The following ATP13A4 variants were observed in gnomAD, a reference collection of about 807,000 sequenced individuals.
The protein encoded by ATP13A4 is ATPase 13A4.
ATP13A4 carries 114 observed loss-of-function variants against 142.5 expected under a neutral mutation model. The observed-to-expected ratio is 0.80, with a 90% CI of 0.69 to 0.93. The LOEUF is 0.93. Among genes scored for constraint, ATP13A4 ranks in the 40% least tolerant of loss-of-function variants. The pLI is 0.00. For synonymous variants in ATP13A4, 488 were observed against 514.8 expected, an observed-to-expected ratio of 0.95 and a Z score of 0.70; for missense variants, 1,392 against 1,454.0, an observed-to-expected ratio of 0.96 and a Z score of 0.69.
rs1714260069 is a variant in ATP13A4 at position 193,401,478 on chromosome 3, T to TAATAAAGCAGAGGAG, written c.*1159_*1173dup. ...GCATGAGACTAATGTTTCTCAAAAATAATAAAGCAGAGGAGTGAAAATTTC... is the reference window on the plus strand; with the variant it reads ...GCATGAGACTAATGTTTCTCAAAAATAATAAAGCAGAGGAGAATAAAGCAGAGGAGTGAAAATTTC... On this transcript the variant is annotated 3_prime_UTR_variant, in exon 30 of 30. Coordinates refer to ENST00000342695, the MANE Select transcript of ATP13A4 (RefSeq NM_032279.4). Among the ~76,000 whole-genome samples the TAATAAAGCAGAGGAG allele has an allele frequency of 6.6e-6, 1 of 152,118 alleles. No homozygotes were observed.
intron 1 of ATP13A4, among the ~76,000 whole-genome samples, chr3:193,591,268 C>G (rs1341944294): frequency 6.6e-6 from 1 of 152,184 alleles, no homozygotes; most frequent in Admixed American, 6.5e-5. Context: ...CTCCTGACCT[C>G]GTGATCTGCC....
intron 2 of ATP13A4, among the ~76,000 whole-genome samples, chr3:193,560,631 T>C (rs1322231133): frequency 6.6e-6 from 1 of 152,228 alleles, no homozygotes; most frequent in African/African-American, 2.4e-5. Context: ...CCACCAATTG[T>C]GTAAAGCCAT....
intron 1 of ATP13A4, among the ~76,000 whole-genome samples, chr3:193,519,812 T>C (rs1295132144): frequency 1.3e-5 from 2 of 151,626 alleles, no homozygotes; most frequent in East Asian, 1.9e-4. Flanking sequence ...GCCCAGCTAA[T>C]TTTTGTATTT....
upstream of ATP13A4, among the ~76,000 whole-genome samples, chr3:193,556,495 G>A (rs1461712389): frequency 1.5e-5 from 2 of 130,026 alleles, no homozygotes; most frequent in Admixed American, 8.6e-5. Context: ...GTGTGTGTAT[G>A]TGTGTGTGTG....
chr3:193,485,826 C>A (rs1446738593), intron 7 of ATP13A4, among the ~76,000 whole-genome samples: 1 of 151,380 alleles, frequency 6.6e-6, no homozygotes, highest in Non-Finnish European at 1.5e-5. Context: ...TCTCTGAACC[C>A]AGAAGAGAGA....
chr3:193,536,316 T>C (rs1406441820), intron 1 of ATP13A4, among the ~76,000 whole-genome samples: 3 of 152,048 alleles, frequency 2.0e-5, no homozygotes, highest in Admixed American at 6.5e-5. Context: ...AATTCAGGGA[T>C]GCAAAACGAC....
At chr3:193,566,952 A>C (rs1411923001) in intron 2 of ATP13A4, among the ~76,000 whole-genome samples, 1 of 152,096 alleles carries the variant, frequency 6.6e-6, no homozygotes, top group African/African-American at 2.4e-5. Flanking sequence ...ACTGTTGTTA[A>C]CTCATCTTAT....
chr3:193,509,274 C>A (rs542583871), intron 2 of ATP13A4, among the ~76,000 whole-genome samples: 1 of 152,302 alleles, frequency 6.6e-6, no homozygotes, highest in African/African-American at 2.4e-5. Context: ...CCTACCATAA[C>A]CTGGAGCCTT....
intron 18 of ATP13A4, among the ~76,000 whole-genome samples, chr3:193,443,326 A>C (rs1716763938): frequency 6.6e-6 from 1 of 152,174 alleles, no homozygotes; most frequent in African/African-American, 2.4e-5. Context: ...GATCCAAAGA[A>C]AGATAACCCC....
At chr3:193,483,499 C>T (rs1469929363) in intron 8 of ATP13A4, among the ~76,000 whole-genome samples, 2 of 152,194 alleles carry the variant, frequency 1.3e-5, no homozygotes, top group Non-Finnish European at 2.9e-5. Flanking sequence ...GAGTCTCGCT[C>T]TGTCACCCAG....
intron 1 of ATP13A4, among the ~76,000 whole-genome samples, chr3:193,531,574 A>T (rs981115646): frequency 2.0e-5 from 3 of 152,236 alleles, no homozygotes; most frequent in African/African-American, 7.2e-5. Context: ...ACAGAGCTGC[A>T]TCTACTTTGT....
At chr3:193,441,901 G>A (rs749039225) in intron 19 of ATP13A4, among the ~76,000 whole-genome samples, 7 of 152,138 alleles carry the variant, frequency 4.6e-5, no homozygotes, top group Non-Finnish European at 1.0e-4. Flanking sequence ...ATTTCTCCCT[G>A]AAATGAGAAC....
Position 193,459,241 on chromosome 3 carries a change from A to G in ATP13A4, c.1524-10T>C. ...GTGAACTTCCTGAAAGCTTAAGGAGAAAAGGAAATGGGTTTCCATTCCATC... is the reference window on the plus strand; with the variant it reads ...GTGAACTTCCTGAAAGCTTAAGGAGGAAAGGAAATGGGTTTCCATTCCATC... On this transcript the variant is annotated splice_polypyrimidine_tract_variant and intron_variant, in intron 13 of 29. Coordinates refer to ENST00000342695, the MANE Select transcript of ATP13A4 (RefSeq NM_032279.4). The G allele has an allele frequency of 2.5e-6, 4 of 1,614,248 alleles. No individual in the cohort carries two copies. Among genetic ancestry groups the G allele is most frequent in the Non-Finnish European group, 3.4e-6 (4 of 1,180,034 alleles).
intron 1 of ATP13A4, among the ~76,000 whole-genome samples, chr3:193,534,241 T>C (rs1451202371): frequency 6.6e-6 from 1 of 152,210 alleles, no homozygotes; most frequent in Non-Finnish European, 1.5e-5. Context: ...TGATTGAAGT[T>C]ATGTCAACAG....
intron 7 of ATP13A4, among the ~76,000 whole-genome samples, chr3:193,486,637 TTAAGG>T (rs1427721501): frequency 6.6e-6 from 1 of 152,102 alleles, no homozygotes; most frequent in African/African-American, 2.4e-5. Context: ...AGTGTTGAAT[TTAAGG>T]TAATTTTTTG....
chr3:193,502,651 G>A lies in ATP13A4; in HGVS notation c.235-12C>T, dbSNP rs1238156564. The A allele has an allele frequency of 5.6e-6, 9 of 1,613,216 alleles. No homozygotes were observed. The highest frequency in any genetic ancestry group is 7.6e-6 in the Non-Finnish European group (9 of 1,179,292). ...ATTTGGAATTCATCCTGAGGAGATA[G>A]ACATCAAAACCCCCAAGAAGTTAAG... On this transcript the variant is annotated splice_polypyrimidine_tract_variant and intron_variant, in intron 2 of 29. Transcript: ENST00000342695.
At chr3:193,447,739 A>G (rs188448032) in intron 18 of ATP13A4, among the ~76,000 whole-genome samples, 9 of 152,310 alleles carry the variant, frequency 5.9e-5, no homozygotes, top group East Asian at 5.8e-4. Flanking sequence ...TAGAGAGGAC[A>G]TCATTTTCTT....
chr3:193,551,653 G>A (rs1723572407), intron 1 of ATP13A4, among the ~76,000 whole-genome samples: 1 of 152,236 alleles, frequency 6.6e-6, no homozygotes, highest in East Asian at 1.9e-4. Flanking sequence ...GGGGTAAGAA[G>A]GACCAGTCCT....
At position 193,437,743 on chromosome 3, in the gene ATP13A4, T is replaced by C. The variant is rs553496935; in HGVS notation, c.2672+732A>G. 5.9e-5 allele frequency among the ~76,000 whole-genome samples: 9 copies of C among 152,000 alleles called. 1 individual carries two copies. The South Asian group carries it at 1.2e-3, about 21-fold the overall frequency. The stretch of plus-strand genomic sequence containing the variant: ...GCTCACTATCTCTATCATTCAAATA[T>C]AATGGAGCAGAAGTACATTTTCGGC... On this transcript the variant is annotated intron_variant, in intron 23 of 29. Transcript: ENST00000342695.
Sources: gnomAD v4.1 joint callset for allele counts (sites outside exome capture counted in the v4.1 genomes callset) on GRCh38, gnomAD v4.1.1 for gene constraint, MANE v1.5 for transcripts, NCBI Gene and HGNC (gene_info 2026-07-23, HGNC 2026-07-21) for gene names.